CALN1: variants seen among roughly 807,000 people sequenced by gnomAD.
The protein encoded by CALN1 is calcium-binding protein 8.
Under a neutral mutation model 30.6 loss-of-function variants are expected in CALN1, and 17 were observed. The ratio of observed to expected loss-of-function variants is 0.56; its 90% confidence interval spans 0.38 to 0.83. The LOEUF is 0.83. Among genes scored for constraint, CALN1 ranks in the 40% least tolerant of loss-of-function variants. The probability of loss-of-function intolerance (pLI) is 0.00; values close to 1 mark genes in which losing one functional copy is unlikely to be tolerated. For synonymous variants in CALN1, 156 were observed against 131.4 expected (o/e 1.19, Z -1.28); for missense variants, 291 against 354.9 (o/e 0.82, Z 1.45).
chr7:72,275,668 C>G (rs753360946), intron 3 of CALN1, among the ~76,000 whole-genome samples: 9 of 152,200 alleles, frequency 5.9e-5, no homozygotes, highest in Non-Finnish European at 1.2e-4. Flanking sequence ...CCCCACTTCA[C>G]TCAATAAACT....
intron 1 of CALN1, among the ~76,000 whole-genome samples, chr7:72,431,479 C>T (rs996347269): frequency 1.4e-4 from 21 of 152,148 alleles, no homozygotes; most frequent in Non-Finnish European, 2.2e-4. Flanking sequence ...ATTGCCACTC[C>T]GTGGAATCAC....
chr7:72,057,523 A>G (rs1463608222), intron 4 of CALN1, among the ~76,000 whole-genome samples: 1 of 151,874 alleles, frequency 6.6e-6, no homozygotes, highest in African/African-American at 2.4e-5. Flanking sequence ...ATGGAAAAGA[A>G]TAAGGAATAT....
intron 5 of CALN1, among the ~76,000 whole-genome samples, chr7:71,951,982 T>C (rs986252470): frequency 1.3e-5 from 2 of 151,838 alleles, no homozygotes; most frequent in Non-Finnish European, 2.9e-5. Flanking sequence ...AACCAATCCA[T>C]CACTTGCCCA....
intron 2 of CALN1, among the ~76,000 whole-genome samples, chr7:72,305,096 C>A (rs1450059306): frequency 6.6e-6 from 1 of 152,144 alleles, no homozygotes; most frequent in Non-Finnish European, 1.5e-5. Context: ...TGGGTTGGAA[C>A]CCTTTAAGGG....
At chr7:72,394,889 C>T (rs1273423427) in intron 2 of CALN1, among the ~76,000 whole-genome samples, 1 of 151,998 alleles carries the variant, frequency 6.6e-6, no homozygotes, top group Admixed American at 6.5e-5. Context: ...AACTGCTGGA[C>T]TCAAGTGATC....
At chr7:71,796,957 G>A (rs1047079973) in intron 6 of CALN1, among the ~76,000 whole-genome samples, 1 of 147,136 alleles carries the variant, frequency 6.8e-6, no homozygotes, top group Non-Finnish European at 1.5e-5. Context: ...CTGTTTGACT[G>A]TTTCTTTCCC....
chr7:72,084,124 G>A (rs564661446), intron 4 of CALN1, among the ~76,000 whole-genome samples: 10 of 152,080 alleles, frequency 6.6e-5, no homozygotes, highest in East Asian at 5.8e-4. Context: ...CAGGAGAATC[G>A]CTTGAACCTG....
intron 3 of CALN1, among the ~76,000 whole-genome samples, chr7:72,182,441 C>T (rs559409192): frequency 6.6e-6 from 1 of 151,948 alleles, no homozygotes; most frequent in African/African-American, 2.4e-5. Context: ...TTCATTTTTC[C>T]AGATGCAGTA....
intron 5 of CALN1, among the ~76,000 whole-genome samples, chr7:71,892,511 A>G (rs1357894026): frequency 6.6e-6 from 1 of 152,132 alleles, no homozygotes; most frequent in East Asian, 1.9e-4. Context: ...GGTGGTGCCC[A>G]CCTGTAATCC....
chr7:72,354,948 C>T (rs1235152030), intron 2 of CALN1, among the ~76,000 whole-genome samples: 3 of 147,672 alleles, frequency 2.0e-5, no homozygotes, highest in Admixed American at 6.9e-5. Flanking sequence ...CTCGCTTTGT[C>T]GCCAAAGCTG....
intron 5 of CALN1, among the ~76,000 whole-genome samples, chr7:71,982,990 C>A (rs549652044): frequency 6.6e-6 from 1 of 152,250 alleles, no homozygotes; most frequent in East Asian, 1.9e-4. Context: ...AGTGAAAGCC[C>A]ATTTGCATAA....
At chr7:72,053,294 C>G (rs934200816) in intron 4 of CALN1, among the ~76,000 whole-genome samples, 1 of 152,110 alleles carries the variant, frequency 6.6e-6, no homozygotes, top group Non-Finnish European at 1.5e-5. Flanking sequence ...CCAAAGACTC[C>G]CAGAAAGTAA....
chr7:72,441,106 C>T (rs1808330013), intron 1 of CALN1, among the ~76,000 whole-genome samples: 1 of 152,036 alleles, frequency 6.6e-6, no homozygotes, highest in Non-Finnish European at 1.5e-5. Flanking sequence ...TTTCCATGTT[C>T]TTTACTCCTG....
At chr7:72,349,282 T>TTGTGTGTGTGTGTGTGTGTGTG (rs3032183) in intron 2 of CALN1, among the ~76,000 whole-genome samples, 1 of 147,754 alleles carries the variant, frequency 6.8e-6, no homozygotes, top group African/African-American at 2.5e-5. Context: ...ACACGCGTGC[T>TTGTGTGTGTGTGTGTGTGTGTG]TGTGTGTGTG....
chr7:71,911,918 C>G (rs1357228361), intron 5 of CALN1, among the ~76,000 whole-genome samples: 1 of 152,092 alleles, frequency 6.6e-6, no homozygotes, highest in Non-Finnish European at 1.5e-5. Context: ...CCTTGTCTTT[C>G]ATACACATGA....
Position 71,994,511 on chromosome 7 carries a change from C to CAAAAAAA in CALN1, c.501+29139_501+29145dup, listed in dbSNP as rs367725464. Among the ~76,000 whole-genome samples, 33 of 44,014 alleles carry CAAAAAAA rather than the reference C, an allele frequency of 7.5e-4. 1 individual carries two copies. Among genetic ancestry groups the CAAAAAAA allele is most frequent in the African/African-American group, 2.6e-3 (31 of 11,730 alleles). The allele number at this position is 44,014 out of a possible 152,430, so 28.9% of individuals were successfully genotyped here. ...TGGGCGACAGAGCAAGACTTCATCT[C>CAAAAAAA]AAAAAAAAAAAAAAAAAAAAAACAG... is the stretch of plus-strand genomic sequence containing the variant. On this transcript the variant is annotated intron_variant, in intron 5 of 6. Transcript: ENST00000395275.
chr7:72,017,513 G>C (rs1388595259), intron 5 of CALN1, among the ~76,000 whole-genome samples: 2 of 152,106 alleles, frequency 1.3e-5, no homozygotes, highest in African/African-American at 4.8e-5. Context: ...CACAGCTGTG[G>C]GATAAACAAG....
chr7:72,250,806 C>G (rs909447518), intron 3 of CALN1, among the ~76,000 whole-genome samples: 4 of 152,168 alleles, frequency 2.6e-5, no homozygotes, highest in African/African-American at 9.7e-5. Flanking sequence ...CCAGCAGATG[C>G]AGGCACCACG....
intron 2 of CALN1, among the ~76,000 whole-genome samples, chr7:72,311,068 CTCCACCTCT>C (rs1800011549): frequency 1.3e-5 from 2 of 152,046 alleles, no homozygotes; most frequent in Admixed American, 6.5e-5. Flanking sequence ...TTCCCACCTC[CTCCACCTCT>C]TCCGACTCTG....
Sources: allele counts gnomAD v4.1 joint callset (sites outside exome capture counted in the v4.1 genomes callset), GRCh38; gene constraint gnomAD v4.1.1; transcripts MANE v1.5; gene names NCBI Gene and HGNC (gene_info 2026-07-23, HGNC 2026-07-21).